Variants in CEP85L observed in about 807,000 individuals in gnomAD.
CEP85L encodes centrosomal protein of 85 kDa-like.
CEP85L carries 60 observed loss-of-function variants against 100.3 expected under a neutral mutation model. That is an observed-to-expected ratio of 0.60 (90% CI 0.49 to 0.74). The LOEUF (loss-of-function observed/expected upper bound fraction) is 0.74, where lower values mean the gene tolerates loss of function less well. Among genes scored for constraint, CEP85L ranks in the 30% least tolerant of loss-of-function variants. CEP85L has a pLI of 0.00. For missense variants in CEP85L, 973 were observed against 936.2 expected, an observed-to-expected ratio of 1.04 and a Z score of -0.51; for synonymous variants, 319 against 322.7, an observed-to-expected ratio of 0.99 and a Z score of 0.12.
chr6:118,650,176 C>G (rs1775454944), intron 1 of CEP85L, among the ~76,000 whole-genome samples: 1 of 152,140 alleles, frequency 6.6e-6, no homozygotes, highest in Non-Finnish European at 1.5e-5. Flanking sequence ...TAACAGGAGT[C>G]CCAGAAACAG....
At chr6:118,482,361 T>C (rs1233127464) in intron 7 of CEP85L, among the ~76,000 whole-genome samples, 1 of 152,164 alleles carries the variant, frequency 6.6e-6, no homozygotes, top group Non-Finnish European at 1.5e-5. Flanking sequence ...ACTCCCCATC[T>C]ATCTCTCCCT....
chr6:118,506,161 GA>G (rs1775643954), intron 5 of CEP85L, among the ~76,000 whole-genome samples: 1 of 152,176 alleles, frequency 6.6e-6, no homozygotes, highest in Non-Finnish European at 1.5e-5. Flanking sequence ...CGTATGGAAC[GA>G]ATAGGATTAA....
intron 3 of CEP85L, among the ~76,000 whole-genome samples, chr6:118,538,647 T>C (rs1463116414): frequency 2.0e-5 from 3 of 151,834 alleles, no homozygotes; most frequent in Admixed American, 2.0e-4. Flanking sequence ...ACAATCATAG[T>C]ACAAAAGTGA....
At chr6:118,656,583 C>T (rs142622460), upstream of CEP85L, among the ~76,000 whole-genome samples, 240 of 152,246 alleles carry the variant, frequency 1.6e-3, no homozygotes, top group African/African-American at 5.6e-3. Context: ...TGACAGCCTC[C>T]AACTTTTAGT....
chr6:118,670,957 T>TAA (rs66483063), intron 1 of CEP85L, among the ~76,000 whole-genome samples: 19,533 of 144,788 alleles, frequency 0.13, 1,562 homozygotes, highest in Non-Finnish European at 0.19. Flanking sequence ...CTTTTTTATG[T>TAA]AAAAAAAAAA....
Position 118,563,809 on chromosome 6 carries a change from A to G in CEP85L, c.1020+1720T>C, listed in dbSNP as rs142289610. 2.4e-3 allele frequency among the ~76,000 whole-genome samples: 366 copies of G among 152,306 alleles called. 1 individual carries two copies. Among genetic ancestry groups the G allele is most frequent in the African/African-American group, 8.4e-3 (350 of 41,572 alleles). ...CAACTATGATGAAAGCTTTTAAAATAAAGATAATACTACTTGGAGGCTCCA... is the reference window on the plus strand; with the variant it reads ...CAACTATGATGAAAGCTTTTAAAATGAAGATAATACTACTTGGAGGCTCCA... On this transcript the variant is annotated intron_variant, in intron 3 of 12. Coordinates refer to ENST00000368491, the MANE Select transcript of CEP85L (RefSeq NM_001042475.3).
intron 3 of CEP85L, among the ~76,000 whole-genome samples, chr6:118,549,226 T>C (rs1476510239): frequency 3.9e-5 from 6 of 151,948 alleles, no homozygotes; most frequent in Non-Finnish European, 5.9e-5. Flanking sequence ...TTAATGCCTA[T>C]AGTTTTGTCA....
intron 1 of CEP85L, among the ~76,000 whole-genome samples, chr6:118,706,284 G>A (rs541755652): frequency 6.6e-6 from 1 of 152,306 alleles, no homozygotes; most frequent in Admixed American, 6.5e-5. Flanking sequence ...AAATGAAGCT[G>A]ATGCATTTCC....
At chr6:118,561,561 TCTA>T (rs1249241963) in intron 3 of CEP85L, among the ~76,000 whole-genome samples, 1 of 152,084 alleles carries the variant, frequency 6.6e-6, no homozygotes, top group Non-Finnish European at 1.5e-5. Flanking sequence ...TCAAATATGT[TCTA>T]CTATAGAATA....
Position 118,469,119 on chromosome 6 carries a change from C to T in CEP85L, c.2207G>A (p.Arg736His), listed in dbSNP as rs371610026. Residue 736 changes from arginine (R) to histidine (H), a missense_variant, in exon 12 of 13, where the codon CGT becomes CAT. Around this residue, in one of 3 missense-constraint regions of CEP85L, gnomAD observed 890 missense variants for 844.5 expected, o/e 1.05. Transcript: ENST00000368491. Reference protein sequence around the residue: ...LKALCSILNQRAQGKEPNLSL... With the variant: ...LKALCSILNQHAQGKEPNLSL... ...AAGATTAGGCTCCTTGCCCTGAGCA[C>T]GCTGATTAAGAATACTACACAATGC... 12 of 1,613,786 alleles carry T rather than the reference C, an allele frequency of 7.4e-6. No individual in the cohort carries two copies. The highest frequency in any genetic ancestry group is 5.0e-5 in the Admixed American group (3 of 59,994).
At chr6:118,627,259 G>A (rs1322642617) in intron 2 of CEP85L, among the ~76,000 whole-genome samples, 1 of 147,580 alleles carries the variant, frequency 6.8e-6, no homozygotes, top group East Asian at 2.0e-4. Context: ...GGCATGAAGA[G>A]ACATTTCACT....
At chr6:118,482,782 C>T (rs1351810573) in intron 7 of CEP85L, among the ~76,000 whole-genome samples, 3 of 152,140 alleles carry the variant, frequency 2.0e-5, no homozygotes, top group African/African-American at 7.2e-5. Flanking sequence ...TCCTGCAGTC[C>T]TTAATTTCCT....
At chr6:118,600,764 T>A (rs1427349579) in intron 2 of CEP85L, among the ~76,000 whole-genome samples, 4 of 151,460 alleles carry the variant, frequency 2.6e-5, no homozygotes, top group Non-Finnish European at 5.9e-5. Context: ...TCTAGAATTT[T>A]GTCATTTTCT....
chr6:118,604,215 G>A (rs755247217), intron 2 of CEP85L, among the ~76,000 whole-genome samples: 26 of 151,918 alleles, frequency 1.7e-4, no homozygotes, highest in Non-Finnish European at 3.4e-4. Context: ...AATCTTAATC[G>A]GTTTGACCAT....
chr6:118,595,904 G>A (rs1479179423), intron 2 of CEP85L, among the ~76,000 whole-genome samples: 1 of 152,102 alleles, frequency 6.6e-6, no homozygotes, highest in Non-Finnish European at 1.5e-5. Flanking sequence ...AATAGTAATA[G>A]TAATAAAGTT....
chr6:118,558,781 G>T lies in CEP85L; in HGVS notation c.1020+6748C>A, dbSNP rs1779054422. 6 of 706,354 alleles carry T rather than the reference G, an allele frequency of 8.5e-6. No homozygotes were observed. In the South Asian group the frequency reaches 9.1e-5, roughly 11 times the overall value. The allele number at this position is 706,354 out of a possible 1,614,324, so 43.8% of individuals were successfully genotyped here. On this transcript the variant is annotated intron_variant, in intron 3 of 12. Coordinates refer to ENST00000368491, the MANE Select transcript of CEP85L (RefSeq NM_001042475.3). ...ATTGTATTTTTTGTTCTGAGGATAGGTTACATAGATGATTCTAATCCATTT... is the reference window on the plus strand; with the variant it reads ...ATTGTATTTTTTGTTCTGAGGATAGTTTACATAGATGATTCTAATCCATTT...
intron 2 of CEP85L, among the ~76,000 whole-genome samples, chr6:118,596,644 T>C (rs1781471487): frequency 6.6e-6 from 1 of 152,074 alleles, no homozygotes; most frequent in Non-Finnish European, 1.5e-5. Flanking sequence ...TCAGGTAATA[T>C]CTTAATACAA....
At chr6:118,491,963 G>C in intron 5 of CEP85L, 98 bp from the exon 6 acceptor site, 2 of 798,944 alleles carry the variant, frequency 2.5e-6, no homozygotes, top group South Asian at 4.3e-5. Context: ...AGTACATATA[G>C]GCTACATGAA....
In CEP85L at chr6:118,464,770, AC is replaced by A. The variant is rs1361876835; in HGVS notation, c.*634del. The A allele has an allele frequency of 6.9e-6, 1 of 144,198 alleles. No homozygotes were observed. The highest frequency in any genetic ancestry group is 7.2e-5 in the Admixed American group (1 of 13,906). The allele number at this position is 144,198 out of a possible 1,614,324, so 8.9% of individuals were successfully genotyped here. ...CACAATCACTCTGGAAAAACAGCTG[AC>A]CTATCTACAGTACTAAAATCAGCTC... On this transcript the variant is annotated 3_prime_UTR_variant, in exon 13 of 13. Coordinates refer to ENST00000368491, the MANE Select transcript of CEP85L (RefSeq NM_001042475.3).
Sources: gnomAD v4.1 joint callset for allele counts (sites outside exome capture counted in the v4.1 genomes callset) on GRCh38, gnomAD v4.1.1 for gene constraint, gnomAD v4.1.1 regional missense constraint, MANE v1.5 for transcripts, NCBI Gene and HGNC (gene_info 2026-07-23, HGNC 2026-07-21) for gene names.